Variants in SH3TC2 observed in about 807,000 individuals in gnomAD.
SH3TC2 encodes SH3 domain and tetratricopeptide repeats 2.
A neutral mutation model predicts 124.5 loss-of-function variants in SH3TC2; 87 were observed. The observed-to-expected ratio is 0.70, with a 90% CI of 0.59 to 0.84. The LOEUF (loss-of-function observed/expected upper bound fraction) is 0.84, where lower values mean the gene tolerates loss of function less well. SH3TC2 is among the 40% of genes least tolerant of loss of function. The pLI, the probability that SH3TC2 is intolerant of heterozygous loss-of-function variation, is 0.00. For missense variants in SH3TC2, 1,536 were observed against 1,566.4 expected (o/e 0.98, Z 0.33); for synonymous variants, 634 against 628.5 (o/e 1.01, Z -0.13).
At chr5:149,044,364 G>T (rs1354117258) in intron 4 of SH3TC2, 169 bp downstream of exon 4, 11 of 604,936 alleles carry the variant, frequency 1.8e-5, no homozygotes, top group African/African-American at 5.6e-5. Flanking sequence ...GTTAATATTT[G>T]CCTTAGATTT....
At chr5:149,017,752 T>C (rs57142509) in intron 12 of SH3TC2, among the ~76,000 whole-genome samples, 2,372 of 152,302 alleles carry the variant, frequency 0.016, 57 homozygotes, top group African/African-American at 0.055. Flanking sequence ...TTTCACTCTA[T>C]AGCCTTCCAC....
At chr5:149,007,729 A>C (rs762273848) in intron 15 of SH3TC2, 12 of 157,508 alleles carry the variant, frequency 7.6e-5, no homozygotes, top group Non-Finnish European at 1.6e-4. Context: ...ATACAGAGCA[A>C]TCTTTTACAG....
chr5:149,017,507 C>T (rs1228047264), intron 12 of SH3TC2, among the ~76,000 whole-genome samples: 1 of 152,138 alleles, frequency 6.6e-6, no homozygotes, highest in Admixed American at 6.5e-5. Context: ...TCACTATCTA[C>T]CTGTGTGCCC....
chr5:149,051,478 G>T (rs1346105267), intron 2 of SH3TC2, among the ~76,000 whole-genome samples: 1 of 152,130 alleles, frequency 6.6e-6, no homozygotes, highest in Admixed American at 6.5e-5. Context: ...TTGAGGCAGG[G>T]TCTCACTCTG....
chr5:149,055,969 C>T (rs1337224141), intron 1 of SH3TC2, among the ~76,000 whole-genome samples: 4 of 152,176 alleles, frequency 2.6e-5, no homozygotes, highest in Admixed American at 1.3e-4. Flanking sequence ...GAATGAATTG[C>T]CACTGTATAA....
At position 149,041,573 on chromosome 5, in the gene SH3TC2, C is replaced by A; in HGVS notation, c.574G>T (p.Glu192Ter). Reference sequence around the variant, plus strand: ...AGTGTCAAGCATTCCCCTTCCTTCTCGGCTGGTGGAGTCACGGAGCACAGG... The same window carrying A: ...AGTGTCAAGCATTCCCCTTCCTTCTAGGCTGGTGGAGTCACGGAGCACAGG... ...RALCSVTPPA[E>*]KEGECLTLCK... is the part of the protein sequence containing the mutation. Residue 192 changes from glutamate to a stop codon, truncating the protein, a stop_gained, in exon 6 of 17, where the codon GAG (glutamate) becomes TAG (stop). Transcript: ENST00000515425. LOFTEE classifies it high-confidence loss of function. The A allele has an allele frequency of 6.2e-7, 1 of 1,614,190 alleles. No individual in the cohort carries two copies. Among genetic ancestry groups the A allele is most frequent in the South Asian group, 1.1e-5 (1 of 91,074 alleles).
At chr5:149,040,563 A>G in intron 7 of SH3TC2, 41 bp downstream of exon 7, 1 of 1,561,668 alleles carries the variant, frequency 6.4e-7, no homozygotes, top group Non-Finnish European at 8.8e-7. Context: ...GCAGGACAAC[A>G]TTATCTCCCT....
chr5:149,029,187 T>G (rs1210696079), intron 9 of SH3TC2, among the ~76,000 whole-genome samples: 1 of 152,216 alleles, frequency 6.6e-6, no homozygotes, highest in Non-Finnish European at 1.5e-5. Context: ...ACATCCTTCC[T>G]TCTTGCCTCC....
chr5:149,015,764 C>G (rs1242982624), intron 12 of SH3TC2, among the ~76,000 whole-genome samples: 2 of 152,186 alleles, frequency 1.3e-5, no homozygotes, highest in African/African-American at 4.8e-5. Flanking sequence ...CTGGATGAGT[C>G]TGTCTAACCT....
Position 148,999,188 on chromosome 5 carries a change from T to C in SH3TC2, c.*5523A>G, listed in dbSNP as rs554387505. ...AAAGAGCTTCAGACCCAAGTGTCCCTGAATGCAGGACCAGGGTGCCTGGCC... is the reference window on the plus strand; with the variant it reads ...AAAGAGCTTCAGACCCAAGTGTCCCCGAATGCAGGACCAGGGTGCCTGGCC... On this transcript the variant is annotated 3_prime_UTR_variant, in exon 17 of 17. Transcript: ENST00000515425. Among the ~76,000 whole-genome samples, 3 of 152,308 alleles carry C rather than the reference T, an allele frequency of 2.0e-5. No individual in the cohort carries two copies. Among genetic ancestry groups the C allele is most frequent in the Non-Finnish European group, 4.4e-5 (3 of 68,034 alleles).
intron 12 of SH3TC2, among the ~76,000 whole-genome samples, chr5:149,020,828 A>C (rs981980780): frequency 2.6e-5 from 4 of 152,186 alleles, no homozygotes; most frequent in Admixed American, 2.0e-4. Context: ...ACAGAATGGA[A>C]GGGAGAGATA....
At chr5:149,019,239 C>G (rs889851892) in intron 12 of SH3TC2, among the ~76,000 whole-genome samples, 87 of 152,286 alleles carry the variant, frequency 5.7e-4, no homozygotes, top group African/African-American at 2.0e-3. Flanking sequence ...AGTAACCACC[C>G]CCGGGTGCAT....
At chr5:149,012,820 G>A in intron 12 of SH3TC2, 86 bp from the exon 13 acceptor site, 1 of 1,477,978 alleles carries the variant, frequency 6.8e-7, no homozygotes, top group Non-Finnish European at 9.4e-7. Context: ...GAAGCTCTGA[G>A]CAGGAACAGC....
chr5:149,038,160 T>C, intron 8 of SH3TC2, 135 bp downstream of exon 8: 1 of 735,622 alleles, frequency 1.4e-6, no homozygotes, highest in Non-Finnish European at 2.4e-6. Context: ...GTATCAACCT[T>C]GGTGTCAGCA....
At chr5:149,060,738 G>A (rs1754732290) in intron 1 of SH3TC2, among the ~76,000 whole-genome samples, 1 of 152,182 alleles carries the variant, frequency 6.6e-6, no homozygotes, top group East Asian at 1.9e-4. Flanking sequence ...AAAACAGCCT[G>A]TAGTTACTGA....
chr5:149,014,811 C>A (rs1205197839), intron 12 of SH3TC2, among the ~76,000 whole-genome samples: 1 of 152,194 alleles, frequency 6.6e-6, no homozygotes, highest in Non-Finnish European at 1.5e-5. Context: ...CCACTCTGTA[C>A]CCTGCAAACT....
chr5:149,017,046 T>G (rs1753887281), intron 12 of SH3TC2, among the ~76,000 whole-genome samples: 1 of 152,262 alleles, frequency 6.6e-6, no homozygotes, highest in South Asian at 2.1e-4. Flanking sequence ...GCATCCCTTC[T>G]TTCTAAAAAT....
intron 16 of SH3TC2, 94 bp downstream of exon 16, chr5:149,006,787 C>T: frequency 7.6e-7 from 1 of 1,319,934 alleles, no homozygotes; most frequent in Non-Finnish European, 1.1e-6. Flanking sequence ...CTGGTTTTCT[C>T]AGCTCCACCA....
chr5:149,058,390 G>A (rs1580921067), intron 1 of SH3TC2, among the ~76,000 whole-genome samples: 1 of 152,294 alleles, frequency 6.6e-6, no homozygotes, highest in African/African-American at 2.4e-5. Context: ...GCCATTCTAA[G>A]TAGGTAGGCC....
Sources: gnomAD v4.1 joint callset for allele counts (sites outside exome capture counted in the v4.1 genomes callset) on GRCh38, gnomAD v4.1.1 for gene constraint, MANE v1.5 for transcripts, NCBI Gene and HGNC (gene_info 2026-07-23, HGNC 2026-07-21) for gene names.